TAF8: variants seen among roughly 807,000 people sequenced by gnomAD.
The protein encoded by TAF8 is transcription initiation factor TFIID subunit 8.
In TAF8, 47 loss-of-function variants were observed where a neutral mutation model predicts 36.5. The ratio of observed to expected loss-of-function variants is 1.29; its 90% CI spans 1.02 to 1.64. The LOEUF is 1.64. Ranked by LOEUF, TAF8 falls within the 40% of genes most tolerant of loss-of-function variation. The pLI is 0.00. For synonymous variants in TAF8, 175 were observed against 159.5 expected (o/e 1.10, Z -0.73); for missense variants, 420 against 407.6 (o/e 1.03, Z -0.26).
chr6:42,083,326 A>T (rs2127468288), downstream of TAF8: 1 of 152,292 alleles, frequency 6.6e-6, no homozygotes, highest in East Asian at 1.9e-4. Flanking sequence ...CCCCCAGCTG[A>T]TGGGCATTTA....
rs183348402 is a variant in TAF8 at position 42,070,992 on chromosome 6, G to A, written c.780+2385G>A. On this transcript the variant is annotated intron_variant, in intron 7 of 8. Coordinates refer to ENST00000372977, the MANE Select transcript of TAF8 (RefSeq NM_138572.3). Reference sequence around the variant, plus strand: ...GGGTATACTTTCTTTTCTGCTCACCGGTGTGTCATACTCAGCGAGTGAAAG... The same window carrying A: ...GGGTATACTTTCTTTTCTGCTCACCAGTGTGTCATACTCAGCGAGTGAAAG... Among the ~76,000 whole-genome samples the A allele has an allele frequency of 4.1e-4, 63 of 152,228 alleles. 1 individual carries two copies. Among genetic ancestry groups the A allele is most frequent in the East Asian group, 3.1e-3 (16 of 5,176 alleles).
At chr6:42,061,741 C>T (rs2127454809) in intron 5 of TAF8, among the ~76,000 whole-genome samples, 2 of 152,246 alleles carry the variant, frequency 1.3e-5, no homozygotes, top group East Asian at 1.9e-4. Context: ...ACAATGCCTC[C>T]TGTATGATTT....
At chr6:42,068,434 G>A (rs919985857) in intron 6 of TAF8, 31 bp from the exon 7 acceptor site, 2 of 1,612,914 alleles carry the variant, frequency 1.2e-6, no homozygotes, top group African/African-American at 1.3e-5. Context: ...CTCTGTGACA[G>A]TGGACTCATG....
chr6:42,064,170 A>G (rs1765275610), intron 5 of TAF8, among the ~76,000 whole-genome samples: 1 of 152,206 alleles, frequency 6.6e-6, no homozygotes, highest in Admixed American at 6.5e-5. Flanking sequence ...TGTCTTAGGA[A>G]TCATTACAAG....
rs1021302020 is a variant in TAF8 at position 42,079,996 on chromosome 6, A to T, written c.*2451A>T. The T allele has an allele frequency of 3.3e-5, 7 of 214,354 alleles. No homozygotes were observed. Among genetic ancestry groups the T allele is most frequent in the Middle Eastern group, 2.2e-3 (1 of 450 alleles). The allele number at this position is 214,354 out of a possible 1,614,324, so 13.3% of individuals were successfully genotyped here. A position where few individuals can be genotyped will look rare whatever the true frequency, so the allele number is the denominator to read the frequency against. Reference sequence around the variant, plus strand: ...CAGGAACGGAAGAGGGGACGCTAGTAAAAAAAAAAAAATTGGATTCCCCAA... The same window carrying T: ...CAGGAACGGAAGAGGGGACGCTAGTTAAAAAAAAAAAATTGGATTCCCCAA... On this transcript the variant is annotated 3_prime_UTR_variant, in exon 9 of 9. Transcript: ENST00000372977.
chr6:42,058,978 T>A (rs564499974), intron 5 of TAF8, among the ~76,000 whole-genome samples: 184 of 152,226 alleles, frequency 1.2e-3, no homozygotes, highest in African/African-American at 4.2e-3. Context: ...GGAGTTTTAT[T>A]ATTACTCAAA....
chr6:42,086,785 G>A (rs1766036005), downstream of TAF8: 2 of 1,540,754 alleles, frequency 1.3e-6, no homozygotes, highest in African/African-American at 1.4e-5. Context: ...AAGGAGATCG[G>A]TCACCAGGAG....
Position 42,082,832 on chromosome 6 carries a change from TC to T in TAF8, c.*5289del, listed in dbSNP as rs959617539. ...GTTCTTAATTCTGCGAACATCAACTTCCTGTGCCCAGGTGCAAGTGCGGGGG... is the reference window on the plus strand; with the variant it reads ...GTTCTTAATTCTGCGAACATCAACTTCTGTGCCCAGGTGCAAGTGCGGGGG... On this transcript the variant is annotated 3_prime_UTR_variant, in exon 9 of 9. Coordinates refer to ENST00000372977, the MANE Select transcript of TAF8 (RefSeq NM_138572.3). 1.3e-5 allele frequency: 2 copies of T among 152,146 alleles called. No individual in the cohort carries two copies. 9.4% of individuals were successfully genotyped at this position (152,146 alleles called of 1,614,324 possible).
At chr6:42,072,945 G>A (rs1440864262) in intron 7 of TAF8, among the ~76,000 whole-genome samples, 2 of 151,468 alleles carry the variant, frequency 1.3e-5, no homozygotes, top group Non-Finnish European at 1.5e-5. Context: ...GGATGGTCTC[G>A]ATCTCCCGAC....
intron 1 of TAF8, chr6:42,051,128 T>A: frequency 8.3e-7 from 1 of 1,209,976 alleles, no homozygotes; most frequent in East Asian, 3.7e-5. Context: ...TGCTATTTTA[T>A]CTCATTGGGA....
intron 5 of TAF8, among the ~76,000 whole-genome samples, chr6:42,062,529 C>CTTTTTTTTT (rs1174119617): frequency 5.1e-5 from 4 of 78,730 alleles, no homozygotes; most frequent in Non-Finnish European, 9.0e-5. Flanking sequence ...TTAAGACAAT[C>CTTTTTTTTT]TTTTTTTTTT....
chr6:42,064,168 G>A (rs1245052907), intron 5 of TAF8, among the ~76,000 whole-genome samples: 2 of 152,014 alleles, frequency 1.3e-5, no homozygotes, highest in Non-Finnish European at 2.9e-5. Context: ...GTTGTCTTAG[G>A]AATCATTACA....
In TAF8 at chr6:42,078,619, G is replaced by C. The variant is rs140246109; in HGVS notation, c.*1074G>C. The C allele has an allele frequency of 4.9e-4, 478 of 985,442 alleles. No homozygotes were observed. Among genetic ancestry groups the C allele is most frequent in the Middle Eastern group, 1.0e-3 (2 of 1,916 alleles). The allele number at this position is 985,442 out of a possible 1,614,324, so 61.0% of individuals were successfully genotyped here. Reference sequence around the variant, plus strand: ...AGAACGACATGTCGGGGCTGCACCTGTCCTCCCGTCGGCATTTGACGAAAG... The same window carrying C: ...AGAACGACATGTCGGGGCTGCACCTCTCCTCCCGTCGGCATTTGACGAAAG... On this transcript the variant is annotated 3_prime_UTR_variant, in exon 9 of 9. Transcript: ENST00000372977.
chr6:42,057,519 T>C lies in TAF8; in HGVS notation c.489+6T>C, dbSNP rs1284819884. On this transcript the variant is annotated splice_donor_region_variant and intron_variant, in intron 5 of 8. Coordinates refer to ENST00000372977, the MANE Select transcript of TAF8 (RefSeq NM_138572.3). ...ACACCTACATCAAAACTCCGGTGAG[T>C]GATGAAGCACTGGGACTGCGCGTGG... 2 of 1,613,932 alleles carry C rather than the reference T, an allele frequency of 1.2e-6. No homozygotes were observed. Among genetic ancestry groups the C allele is most frequent in the South Asian group, 1.1e-5 (1 of 91,066 alleles).
chr6:42,051,718 T>G, intron 2 of TAF8: 1 of 414,466 alleles, frequency 2.4e-6, no homozygotes, highest in Non-Finnish European at 4.2e-6. Flanking sequence ...CCCAGTACTT[T>G]AGGAGGCTGA....
Position 42,050,539 on chromosome 6 carries a change from A to G in TAF8, c.-3A>G. 6.4e-7 allele frequency: 1 copy of G among 1,550,740 alleles called. No homozygotes were observed. The highest frequency in any genetic ancestry group is 8.7e-7 in the Non-Finnish European group (1 of 1,147,236). ...GCGCTCGCGCACACTACGCCAGAAC[A>G]AGATGGCCGACGCGGCGGCCACAGC... On this transcript the variant is annotated 5_prime_UTR_variant, in exon 1 of 9. Coordinates refer to ENST00000372977, the MANE Select transcript of TAF8 (RefSeq NM_138572.3).
Position 42,077,847 on chromosome 6 carries a change from C to G in TAF8, c.*302C>G. On this transcript the variant is annotated 3_prime_UTR_variant, in exon 9 of 9. Coordinates refer to ENST00000372977, the MANE Select transcript of TAF8 (RefSeq NM_138572.3). ...CTCAGCTCACTGCAGTCTCAGCAAC[C>G]CTGGGTCCAAGTGATTCTCCTGCCT... The G allele has an allele frequency of 1.1e-6, 1 of 898,684 alleles. No individual in the cohort carries two copies. Among genetic ancestry groups the G allele is most frequent in the Non-Finnish European group, 1.5e-6 (1 of 685,638 alleles). The allele number at this position is 898,684 out of a possible 1,614,324, so 55.7% of individuals were successfully genotyped here. A position where few individuals can be genotyped will look rare whatever the true frequency, so the allele number is the denominator to read the frequency against.
intron 6 of TAF8, among the ~76,000 whole-genome samples, chr6:42,066,743 G>C (rs1374610091): frequency 2.0e-5 from 3 of 152,168 alleles, no homozygotes; most frequent in African/African-American, 7.2e-5. Context: ...GGCAGCCCAG[G>C]TAGTAGAAGA....
intron 7 of TAF8, among the ~76,000 whole-genome samples, chr6:42,076,867 T>C (rs74870755): frequency 0.024 from 3,714 of 152,228 alleles, 153 homozygotes; most frequent in African/African-American, 0.082. Context: ...GGTTCAAAAC[T>C]CTGGACTCTG....
Sources: allele counts gnomAD v4.1 joint callset (sites outside exome capture counted in the v4.1 genomes callset), GRCh38; gene constraint gnomAD v4.1.1; transcripts MANE v1.5; gene names NCBI Gene and HGNC (gene_info 2026-07-23, HGNC 2026-07-21).